Variants in SLC6A9 observed in about 807,000 individuals in gnomAD.
SLC6A9 encodes the protein solute carrier family 6 member 9.
In SLC6A9, 31 loss-of-function variants were observed where a neutral mutation model predicts 70.9. That is an observed-to-expected ratio of 0.44 (90% CI 0.33 to 0.59). SLC6A9 has a LOEUF of 0.59. Among genes scored for constraint, SLC6A9 ranks in the 20% least tolerant of loss-of-function variants. The pLI is 0.04. For missense variants in SLC6A9, 631 were observed against 845.2 expected, an observed-to-expected ratio of 0.75 and a Z score of 3.14; for synonymous variants, 310 against 341.3, an observed-to-expected ratio of 0.91 and a Z score of 1.01.
intron 2 of SLC6A9, among the ~76,000 whole-genome samples, chr1:44,020,497 G>A (rs2086861658): frequency 6.6e-6 from 1 of 152,236 alleles, no homozygotes; most frequent in Non-Finnish European, 1.5e-5. Flanking sequence ...AATGCCTACA[G>A]GGTGACAGGC....
In SLC6A9 at chr1:44,002,527, C is replaced by G. The variant is rs1430385415; in HGVS notation, c.843G>C (p.Lys281Asn). The G allele has an allele frequency of 1.2e-6, 2 of 1,614,162 alleles. No individual in the cohort carries two copies. The highest frequency in any genetic ancestry group is 3.3e-5 in the Admixed American group (2 of 60,024). ...CACTTCCCACCTTGGCCTCCAGGAT[C>G]TTGTCCCACTGCGGGGTTAGGTAGT... is the stretch of plus-strand genomic sequence containing the variant. ...IMYYLTPQWD[K>N]ILEAKVWGDA... The change falls in exon 7 of 14, where the codon AAG becomes AAC. Residue 281 changes from lysine to asparagine, a missense_variant. Physicochemically the swap from Lys to Asn is moderately conservative, Grantham distance 94 (BLOSUM62 0). Transcript: ENST00000372310. This position sits in a 1 kb window ranked among gnomAD's most constrained non-coding sequence, Gnocchi z 5.5.
rs1439096986 is a variant in SLC6A9, at chr1:44,002,283, G to A, written c.962+30C>T. The A allele has an allele frequency of 1.3e-6, 2 of 1,513,960 alleles. No homozygotes were observed. Among genetic ancestry groups the A allele is most frequent in the Non-Finnish European group, 9.2e-7 (1 of 1,088,780 alleles). The allele number at this position is 1,513,960 out of a possible 1,614,324, so 93.8% of individuals were successfully genotyped here. Reference sequence around the variant, plus strand: ...CAGGCTGCAGAGAGTGCAGGAAGGGGGCAGCCTCAGCCCAGCAGGGAGCAC... The same window carrying A: ...CAGGCTGCAGAGAGTGCAGGAAGGGAGCAGCCTCAGCCCAGCAGGGAGCAC... On this transcript the variant is annotated intron_variant, in intron 8 of 13. Coordinates refer to ENST00000372310, the MANE Select transcript of SLC6A9 (RefSeq NM_001024845.3). This position sits in a 1 kb window ranked among gnomAD's most constrained non-coding sequence, Gnocchi z 5.5.
Position 44,000,798 on chromosome 1 carries a change from C to A in SLC6A9, c.1505G>T (p.Cys502Phe), listed in dbSNP as rs764542097. ...GATGGCGGGAGAGACGAAGCGCCAGCAGATCTGAAAGAAGAGGGGTGGTGG... is the reference window on the plus strand; with the variant it reads ...GATGGCGGGAGAGACGAAGCGCCAGAAGATCTGAAAGAAGAGGGGTGGTGG... The part of the protein sequence containing the change: ...GFPPPLFFQI[C>F]WRFVSPAIIF... The change falls in exon 12 of 14, where the codon TGC becomes TTC. Residue 502 changes from cysteine to phenylalanine, a missense_variant. Transcript: ENST00000372310. The A allele has an allele frequency of 1.9e-6, 3 of 1,611,570 alleles. No individual in the cohort carries two copies. The highest frequency in any genetic ancestry group is 3.4e-5 in the Admixed American group (2 of 59,576).
rs201088040 is a variant in SLC6A9, at chr1:43,996,811, G to A, written c.*734C>T. On this transcript the variant is annotated 3_prime_UTR_variant, in exon 14 of 14. Coordinates refer to ENST00000372310, the MANE Select transcript of SLC6A9 (RefSeq NM_001024845.3). The stretch of plus-strand genomic sequence containing the variant: ...GCAGGGTCCCCTTCCCCAGGGTGCT[G>A]GGCTCAAACCTCCTGTGGAGCAGCC... 2 of 152,918 alleles carry A rather than the reference G, an allele frequency of 1.3e-5. No individual in the cohort carries two copies. Among genetic ancestry groups the A allele is most frequent in the Admixed American group, 1.3e-4 (2 of 15,272 alleles). The allele number at this position is 152,918 out of a possible 1,614,324, so 9.5% of individuals were successfully genotyped here.
In SLC6A9 at chr1:43,996,783, C is replaced by T. The variant is rs575265859; in HGVS notation, c.*762G>A. ...TCATGGAGGGAGGGCAAGGGGGTGT[C>T]GTGCAGGGTCCCCTTCCCCAGGGTG... is the stretch of plus-strand genomic sequence containing the variant. On this transcript the variant is annotated 3_prime_UTR_variant, in exon 14 of 14. Coordinates refer to ENST00000372310, the MANE Select transcript of SLC6A9 (RefSeq NM_001024845.3). The T allele has an allele frequency of 1.3e-5, 2 of 153,064 alleles. No homozygotes were observed. Among genetic ancestry groups the T allele is most frequent in the East Asian group, 1.9e-4 (1 of 5,162 alleles). The allele number at this position is 153,064 out of a possible 1,614,324, so 9.5% of individuals were successfully genotyped here.
At chr1:44,003,435 T>C (rs116805401) in intron 5 of SLC6A9, among the ~76,000 whole-genome samples, 1,970 of 152,284 alleles carry the variant, frequency 0.013, 43 homozygotes, top group African/African-American at 0.046. Flanking sequence ...CTCTGATAAA[T>C]TGAGGGAAGC....
chr1:44,024,249 A>T lies in SLC6A9; in HGVS notation c.29T>A (p.Leu10Gln). The change falls in exon 2 of 14, where the codon CTG (leucine) becomes CAG (glutamine). Residue 10 changes from leucine (L) to glutamine (Q), a missense_variant and splice_region_variant. Coordinates refer to ENST00000372310, the MANE Select transcript of SLC6A9 (RefSeq NM_001024845.3). ...CCGCAGTCTGGCCTCTGTACTCACC[A>T]GCATCCCTTTGGCACCTTTTCCTAC... MVGKGAKGMLNGAVPSEATK... is the reference protein window; with the variant it reads MVGKGAKGMQNGAVPSEATK... 6.2e-7 allele frequency: 1 copy of T among 1,614,220 alleles called. No homozygotes were observed. Among genetic ancestry groups the T allele is most frequent in the Non-Finnish European group, 8.5e-7 (1 of 1,180,012 alleles).
chr1:43,997,718 G>T lies in SLC6A9; in HGVS notation c.1729C>A (p.Pro577Thr). Residue 577 changes from proline (P) to threonine (T), a missense_variant, in exon 14 of 14, where the codon CCA (proline) becomes ACA (threonine). Transcript: ENST00000372310. The surrounding 1 kb of genome is among the most constrained non-coding windows in gnomAD (Gnocchi z 4.4). ...AGGGCAGGGCCCCAGTCTCTGCTTG[G>T]CTTTGTGGCATTTTTCAAACGCTGC... ...LLQRLKNATK[P>T]SRDWGPALLE... The T allele has an allele frequency of 6.2e-7, 1 of 1,607,570 alleles. No individual in the cohort carries two copies. The highest frequency in any genetic ancestry group is 8.5e-7 in the Non-Finnish European group (1 of 1,177,166).
rs778369164 is a variant in SLC6A9, at chr1:44,002,642, A to C, written c.728T>G (p.Val243Gly). The C allele has an allele frequency of 5.0e-6, 8 of 1,614,078 alleles. No individual in the cohort carries two copies. The highest frequency in any genetic ancestry group is 5.9e-6 in the Non-Finnish European group (7 of 1,179,990). ...GTAGGGGAACGTGGCCGTGAAGTACACCACCTGGCACAAGAGGGCTCCATG... is the reference window on the plus strand; with the variant it reads ...GTAGGGGAACGTGGCCGTGAAGTACCCCACCTGGCACAAGAGGGCTCCATG... ...IRGVKSSGKVVYFTATFPYVV... is the reference protein window; with the variant it reads ...IRGVKSSGKVGYFTATFPYVV... Residue 243 changes from valine (V) to glycine (G), a missense_variant, in exon 7 of 14, where the codon GTG (valine) becomes GGG (glycine). Val to Gly is a moderately radical substitution (Grantham distance 109, BLOSUM62 -3). Coordinates refer to ENST00000372310, the MANE Select transcript of SLC6A9 (RefSeq NM_001024845.3). The surrounding 1 kb of genome is among the most constrained non-coding windows in gnomAD (Gnocchi z 5.5).
At chr1:44,022,862 C>A (rs991729552) in intron 2 of SLC6A9, among the ~76,000 whole-genome samples, 5 of 151,804 alleles carry the variant, frequency 3.3e-5, no homozygotes, top group African/African-American at 4.8e-5. Context: ...CGCACCACCA[C>A]ATCTGGCTAA....
intron 2 of SLC6A9, chr1:44,016,912 G>A: frequency 1.2e-6 from 1 of 852,524 alleles, no homozygotes; most frequent in East Asian, 3.1e-5. Flanking sequence ...CACTTTGGCT[G>A]GTGTCTGTCT....
chr1:44,016,336 G>A (rs889816135), intron 2 of SLC6A9: 2 of 152,362 alleles, frequency 1.3e-5, no homozygotes, highest in African/African-American at 4.8e-5. Flanking sequence ...GGGCAGCCCT[G>A]CGTACTGTTC....
Position 44,018,500 on chromosome 1 carries a change from G to A in SLC6A9, c.30+5748C>T, listed in dbSNP as rs1571908112. The stretch of plus-strand genomic sequence containing the variant: ...TCCCAGCTACTCGGGAGGCTGAGGC[G>A]GGAGAATCGCTTGAACCCGGGAGGT... On this transcript the variant is annotated intron_variant, in intron 2 of 13. Coordinates refer to ENST00000372310, the MANE Select transcript of SLC6A9 (RefSeq NM_001024845.3). This position sits in a 1 kb window ranked among gnomAD's most constrained non-coding sequence, Gnocchi z 4.2. 6.6e-6 allele frequency among the ~76,000 whole-genome samples: 1 copy of A among 151,720 alleles called. No homozygotes were observed. The highest frequency in any genetic ancestry group is 2.4e-5 in the African/African-American group (1 of 41,280).
chr1:44,018,078 G>A lies in SLC6A9; in HGVS notation c.30+6170C>T, dbSNP rs1174446238. On this transcript the variant is annotated intron_variant, in intron 2 of 13. Coordinates refer to ENST00000372310, the MANE Select transcript of SLC6A9 (RefSeq NM_001024845.3). This position sits in a 1 kb window ranked among gnomAD's most constrained non-coding sequence, Gnocchi z 4.2. ...CCAAGATACCTCAGACCAGTGGCTC[G>A]GAAGGTGGGCATATGCATTCCGGTG... Among the ~76,000 whole-genome samples, 1 of 152,196 alleles carries A rather than the reference G, an allele frequency of 6.6e-6. No individual in the cohort carries two copies. Among genetic ancestry groups the A allele is most frequent in the Non-Finnish European group, 1.5e-5 (1 of 68,036 alleles).
At chr1:44,019,541 A>C (rs1326791257) in intron 2 of SLC6A9, among the ~76,000 whole-genome samples, 2 of 152,236 alleles carry the variant, frequency 1.3e-5, no homozygotes, top group African/African-American at 4.8e-5. Flanking sequence ...CATGATGCCC[A>C]AATGCTCACT....
Position 44,010,816 on chromosome 1 carries a change from GGTTGCCCCA to G in SLC6A9, c.88_96del (p.Trp30_Asn32del). On this transcript the variant is annotated inframe_deletion, in exon 3 of 14. Coordinates refer to ENST00000372310, the MANE Select transcript of SLC6A9 (RefSeq NM_001024845.3). ...ACGCTCGTCAGTACAAACTCGATCT[GGTTGCCCCA>G]GTTGCCCCGTTTGAGGTTCTGGTCC... 6.2e-7 allele frequency: 1 copy of G among 1,614,198 alleles called. No individual in the cohort carries two copies. Among genetic ancestry groups the G allele is most frequent in the Non-Finnish European group, 8.5e-7 (1 of 1,180,008 alleles).
At position 44,002,835 on chromosome 1, in the gene SLC6A9, C is replaced by T. The variant is rs565838306; in HGVS notation, c.723+18G>A. Reference sequence around the variant, plus strand: ...TCTTTCTGGGTGGGCACAGACCCTGCTGGGGAGGGGTACTTGCTTTCCCTG... The same window carrying T: ...TCTTTCTGGGTGGGCACAGACCCTGTTGGGGAGGGGTACTTGCTTTCCCTG... On this transcript the variant is annotated intron_variant, in intron 6 of 13. Transcript: ENST00000372310. The surrounding 1 kb of genome is among the most constrained non-coding windows in gnomAD (Gnocchi z 5.5). 6.2e-7 allele frequency: 1 copy of T among 1,613,910 alleles called. No individual in the cohort carries two copies. The highest frequency in any genetic ancestry group is 8.5e-7 in the Non-Finnish European group (1 of 1,179,894).
intron 1 of SLC6A9, chr1:44,030,375 G>A (rs899627180): frequency 2.6e-5 from 4 of 152,430 alleles, no homozygotes; most frequent in African/African-American, 9.7e-5. Flanking sequence ...CCCGCCCCCG[G>A]GCCGGCACCG....
chr1:44,009,050 A>C (rs1206480317), intron 4 of SLC6A9, among the ~76,000 whole-genome samples: 29 of 24,560 alleles, frequency 1.2e-3, no homozygotes, highest in African/African-American at 5.1e-3. Flanking sequence ...TTTGAGACGG[A>C]GTTTTTGCTT....
Sources: allele counts gnomAD v4.1 joint callset (sites outside exome capture counted in the v4.1 genomes callset), GRCh38; gene constraint gnomAD v4.1.1; non-coding constraint Gnocchi (gnomAD v3.1); transcripts MANE v1.5; gene names NCBI Gene and HGNC (gene_info 2026-07-23, HGNC 2026-07-21).